The following RBBP8 variants were observed in gnomAD, a reference collection of about 807,000 sequenced individuals.
The protein encoded by RBBP8 is DNA endonuclease RBBP8.
Under a neutral mutation model 108.3 loss-of-function variants are expected in RBBP8, and 88 were observed. That is an observed-to-expected ratio of 0.81 (90% CI 0.68 to 0.97). The LOEUF (loss-of-function observed/expected upper bound fraction) is 0.97, where lower values mean the gene tolerates loss of function less well. Ranked by LOEUF, RBBP8 falls within the 50% of genes least tolerant of loss-of-function variation. The pLI is 0.00. For missense variants in RBBP8, 1,023 were observed against 1,049.0 expected (o/e 0.98, Z 0.34); for synonymous variants, 332 against 348.2 (o/e 0.95, Z 0.52).
chr18:22,986,817 G>T (rs967079615), intron 8 of RBBP8, among the ~76,000 whole-genome samples: 1 of 152,140 alleles, frequency 6.6e-6, no homozygotes, highest in African/African-American at 2.4e-5. Flanking sequence ...CTGTTTGTCT[G>T]TCCATGAGTA....
intron 18 of RBBP8, among the ~76,000 whole-genome samples, chr18:23,025,478 GAT>G: frequency 6.6e-6 from 1 of 152,156 alleles, no homozygotes. Context: ...ACTTTGATGT[GAT>G]ATCTCACTGC....
At chr18:22,959,819 T>C (rs1002311478) in intron 4 of RBBP8, among the ~76,000 whole-genome samples, 1 of 151,312 alleles carries the variant, frequency 6.6e-6, no homozygotes, top group Non-Finnish European at 1.5e-5. Context: ...GCTTTTGCTT[T>C]TCCCCCTCAA....
At chr18:22,946,560 G>T (rs1275429814) in intron 3 of RBBP8, 74 bp downstream of exon 3, 4 of 1,590,836 alleles carry the variant, frequency 2.5e-6, no homozygotes, top group Non-Finnish European at 3.4e-6. Context: ...GACATTCATA[G>T]AGTAGTTGAT....
chr18:22,947,233 A>G (rs1221440098), intron 3 of RBBP8, among the ~76,000 whole-genome samples: 2 of 152,048 alleles, frequency 1.3e-5, no homozygotes, highest in Admixed American at 6.6e-5. Flanking sequence ...GACAAAAAAA[A>G]TTTTCCAGTT....
intron 16 of RBBP8, among the ~76,000 whole-genome samples, chr18:23,015,166 G>T (rs1226681026): frequency 6.6e-6 from 1 of 152,104 alleles, no homozygotes; most frequent in Non-Finnish European, 1.5e-5. Flanking sequence ...CCTAAGTGCT[G>T]GGATTATAGG....
intron 3 of RBBP8, among the ~76,000 whole-genome samples, chr18:22,924,127 G>GTTTTTTTTTTTTTTTTTTTT (rs33978854): frequency 9.2e-6 from 1 of 108,228 alleles, no homozygotes; most frequent in Non-Finnish European, 1.8e-5. Flanking sequence ...TTTGTTTTTG[G>GTTTTTTTTTTTTTTTTTTTT]TTTTTTTTTT....
At chr18:22,954,198 T>C (rs945063477) in intron 4 of RBBP8, among the ~76,000 whole-genome samples, 3 of 152,154 alleles carry the variant, frequency 2.0e-5, no homozygotes, top group African/African-American at 7.2e-5. Flanking sequence ...CCTAGAATCT[T>C]AACTCATTAC....
intron 3 of RBBP8, among the ~76,000 whole-genome samples, chr18:22,947,875 C>G (rs576689272): frequency 6.6e-6 from 1 of 152,108 alleles, no homozygotes; most frequent in South Asian, 2.1e-4. Flanking sequence ...GTTTTAACTT[C>G]AACTTAGGTT....
At chr18:22,976,212 T>C (rs1598692973) in intron 6 of RBBP8, among the ~76,000 whole-genome samples, 1 of 152,174 alleles carries the variant, frequency 6.6e-6, no homozygotes, top group South Asian at 2.1e-4. Context: ...AATTCTGATA[T>C]TCCTCCCATG....
chr18:22,996,229 A>T (rs2045854682), intron 12 of RBBP8, 145 bp from the exon 13 acceptor site: 3 of 1,314,090 alleles, frequency 2.3e-6, no homozygotes, highest in African/African-American at 3.0e-5. Flanking sequence ...GAGCTGTGAG[A>T]GTTCTTTATA....
At chr18:23,002,087 A>C (rs1198397558) in intron 15 of RBBP8, among the ~76,000 whole-genome samples, 1 of 152,208 alleles carries the variant, frequency 6.6e-6, no homozygotes, top group Non-Finnish European at 1.5e-5. Context: ...TATTAAATTA[A>C]TTGTAATAGA....
At chr18:22,971,697 G>C (rs1914098813) in intron 5 of RBBP8, among the ~76,000 whole-genome samples, 1 of 141,366 alleles carries the variant, frequency 7.1e-6, no homozygotes, top group African/African-American at 2.7e-5. Flanking sequence ...CTAGGATGGA[G>C]TGCAGTGGCG....
intron 4 of RBBP8, among the ~76,000 whole-genome samples, chr18:22,952,223 G>C (rs2144502208): frequency 6.6e-6 from 1 of 152,228 alleles, no homozygotes; most frequent in Middle Eastern, 3.4e-3. Context: ...AGGGATATAA[G>C]TAGGTAGCAA....
intron 16 of RBBP8, among the ~76,000 whole-genome samples, chr18:23,010,749 A>G (rs2073026993): frequency 6.8e-6 from 1 of 146,276 alleles, no homozygotes; most frequent in Non-Finnish European, 1.5e-5. Context: ...AGGCATGGAG[A>G]TGCTAGAATT....
At chr18:23,023,092 C>T (rs1466055176) in intron 18 of RBBP8, among the ~76,000 whole-genome samples, 1 of 151,632 alleles carries the variant, frequency 6.6e-6, no homozygotes, top group Non-Finnish European at 1.5e-5. Context: ...GAGACAGGGT[C>T]TCACTATGTT....
intron 8 of RBBP8, 129 bp from the exon 9 acceptor site, chr18:22,989,092 T>C: frequency 3.2e-6 from 2 of 628,888 alleles, no homozygotes; most frequent in South Asian, 3.7e-5. Context: ...AATTTTAAAA[T>C]GTGTCTAGTG....
intron 12 of RBBP8, 81 bp downstream of exon 12, chr18:22,993,928 A>T: frequency 6.9e-7 from 1 of 1,451,166 alleles, no homozygotes; most frequent in Non-Finnish European, 9.5e-7. Flanking sequence ...AAATAGATTG[A>T]ATTGTTTTGG....
At chr18:23,008,312 G>A (rs1481887980) in intron 16 of RBBP8, among the ~76,000 whole-genome samples, 2 of 151,946 alleles carry the variant, frequency 1.3e-5, no homozygotes, top group African/African-American at 4.8e-5. Flanking sequence ...TTTTATTTCT[G>A]TTGAGAATTT....
intron 2 of RBBP8, among the ~76,000 whole-genome samples, chr18:22,943,710 A>C (rs1417120438): frequency 6.6e-6 from 1 of 152,166 alleles, no homozygotes; most frequent in African/African-American, 2.4e-5. Context: ...AAGTGATGTT[A>C]GGGGTATTAT....
Sources: gnomAD v4.1 joint callset for allele counts (sites outside exome capture counted in the v4.1 genomes callset) on GRCh38, gnomAD v4.1.1 for gene constraint, MANE v1.5 for transcripts, NCBI Gene and HGNC (gene_info 2026-07-23, HGNC 2026-07-21) for gene names.